The following ANKRD54 variants were observed in gnomAD, a reference collection of about 807,000 sequenced individuals.
ANKRD54 encodes ankyrin repeat domain 54, also known as ankyrin repeat domain-containing protein 54.
In ANKRD54, 26 loss-of-function variants were observed where a neutral mutation model predicts 36.2. The ratio of observed to expected loss-of-function variants is 0.72; its 90% CI spans 0.53 to 1.00. The LOEUF is 1.00. ANKRD54 is among the 50% of genes least tolerant of loss of function. The probability of loss-of-function intolerance (pLI) is 0.00; values close to 1 mark genes in which losing one functional copy is unlikely to be tolerated. For synonymous variants in ANKRD54, 209 were observed against 188.4 expected, an observed-to-expected ratio of 1.11 and a Z score of -0.89; for missense variants, 384 against 424.3, an observed-to-expected ratio of 0.91 and a Z score of 0.83.
In ANKRD54 at chr22:37,833,710, C is replaced by G; in HGVS notation, c.521G>C (p.Gly174Ala). 6.2e-7 allele frequency: 1 copy of G among 1,614,180 alleles called. No homozygotes were observed. Among genetic ancestry groups the G allele is most frequent in the South Asian group, 1.1e-5 (1 of 91,088 alleles). Residue 174 changes from glycine (G) to alanine (A), a missense_variant, in exon 4 of 8, where the codon GGG becomes GCG. Coordinates refer to ENST00000215941, the MANE Select transcript of ANKRD54 (RefSeq NM_138797.4). The stretch of plus-strand genomic sequence containing the variant: ...CAGGTGCAGTGGCGTGTTCCCCAGC[C>G]CATCTCGCTGGTTAGGATCAGCACC... Reference protein sequence around the residue: ...DHGADPNQRDGLGNTPLHLAA... With the variant: ...DHGADPNQRDALGNTPLHLAA...
chr22:37,844,187 T>A lies in ANKRD54; in HGVS notation c.52A>T (p.Ser18Cys). ...ADDEPRSGHS[S>C]SEGECAVAPE... ...GCCACCGCGCACTCGCCCTCCGAGC[T>A]CGAGTGGCCTGAGCGCGGCTCGTCG... The change falls in exon 1 of 8, where the codon AGC (serine) becomes TGC (cysteine). Residue 18 changes from serine (S) to cysteine (C), a missense_variant. Ser to Cys is a moderately radical substitution (Grantham distance 112, BLOSUM62 -1). This residue lies in a region of ANKRD54 where 195 missense variants were observed against 177.7 expected (regional missense o/e 1.10). Coordinates refer to ENST00000215941, the MANE Select transcript of ANKRD54 (RefSeq NM_138797.4). The A allele has an allele frequency of 6.6e-7, 1 of 1,513,976 alleles. No homozygotes were observed. The highest frequency in any genetic ancestry group is 8.8e-7 in the Non-Finnish European group (1 of 1,139,500). The allele number at this position is 1,513,976 out of a possible 1,614,324, so 93.8% of individuals were successfully genotyped here. A position where few individuals can be genotyped will look rare whatever the true frequency, so the allele number is the denominator to read the frequency against.
At chr22:37,847,167 TTTC>T (rs890543168), upstream of ANKRD54, among the ~76,000 whole-genome samples, 102 of 151,028 alleles carry the variant, frequency 6.8e-4, no homozygotes, top group Non-Finnish European at 7.8e-4. Context: ...TCTTTTCTTT[TTTC>T]TTTTTTTTTT....
In ANKRD54 at chr22:37,844,193, G is replaced by C; in HGVS notation, c.46C>G (p.His16Asp). Residue 16 changes from histidine (H) to aspartate (D), a missense_variant, in exon 1 of 8, where the codon CAC (histidine) becomes GAC (aspartate). His to Asp is a moderately conservative substitution (Grantham distance 81). Transcript: ENST00000215941. ...GCGCACTCGCCCTCCGAGCTCGAGTGGCCTGAGCGCGGCTCGTCGTCCGCG... is the reference window on the plus strand; with the variant it reads ...GCGCACTCGCCCTCCGAGCTCGAGTCGCCTGAGCGCGGCTCGTCGTCCGCG... ...GDADDEPRSG[H>D]SSSEGECAVA... 6.6e-7 allele frequency: 1 copy of C among 1,518,958 alleles called. No individual in the cohort carries two copies. Among genetic ancestry groups the C allele is most frequent in the Non-Finnish European group, 8.8e-7 (1 of 1,142,000 alleles). 94.1% of individuals were successfully genotyped at this position (1,518,958 alleles called of 1,614,324 possible). A position where few individuals can be genotyped will look rare whatever the true frequency, so the allele number is the denominator to read the frequency against.
At chr22:37,840,921 A>C (rs1924154634) in intron 1 of ANKRD54, among the ~76,000 whole-genome samples, 2 of 152,028 alleles carry the variant, frequency 1.3e-5, no homozygotes, top group African/African-American at 4.8e-5. Context: ...CCAACAAAAA[A>C]AACCCAGCCA....
chr22:37,843,776 T>A (rs552515249), intron 1 of ANKRD54, 135 bp downstream of exon 1: 5 of 475,208 alleles, frequency 1.1e-5, no homozygotes, highest in Middle Eastern at 6.5e-4. Flanking sequence ...AGGGTCAGTG[T>A]GGCCCTCAGC....
intron 3 of ANKRD54, 56 bp from the exon 4 acceptor site, chr22:37,833,811 G>A: frequency 6.4e-7 from 1 of 1,553,042 alleles, no homozygotes; most frequent in Non-Finnish European, 8.9e-7. Flanking sequence ...CCTGCACCCT[G>A]AACCCCTAAC....
rs1236112006 is a variant in ANKRD54 at position 37,844,141 on chromosome 22, G to C, written c.98C>G (p.Ala33Gly). The change falls in exon 1 of 8, where the codon GCT (alanine) becomes GGT (glycine). Residue 33 changes from alanine (A) to glycine (G), a missense_variant. Ala to Gly is a moderately conservative substitution (Grantham distance 60). This residue lies in a region of ANKRD54 where 195 missense variants were observed against 177.7 expected (regional missense o/e 1.10). Transcript: ENST00000215941. Reference protein sequence around the residue: ...CAVAPEPLTDAEGLFSFADFG... With the variant: ...CAVAPEPLTDGEGLFSFADFG... Reference sequence around the variant, plus strand: ...GTCAGCGAAGGAGAAGAGGCCCTCAGCGTCAGTCAGCGGCTCCGGCGCCAC... The same window carrying C: ...GTCAGCGAAGGAGAAGAGGCCCTCACCGTCAGTCAGCGGCTCCGGCGCCAC... 1 of 1,496,958 alleles carries C rather than the reference G, an allele frequency of 6.7e-7. No individual in the cohort carries two copies. The highest frequency in any genetic ancestry group is 8.8e-7 in the Non-Finnish European group (1 of 1,130,382). 92.7% of individuals were successfully genotyped at this position (1,496,958 alleles called of 1,614,324 possible).
At chr22:37,834,885 ACTGT>A (rs1000781131) in intron 3 of ANKRD54, among the ~76,000 whole-genome samples, 1 of 150,986 alleles carries the variant, frequency 6.6e-6, no homozygotes, top group Non-Finnish European at 1.5e-5. Context: ...ACATGTTGAA[ACTGT>A]CTGTACTAAA....
At position 37,839,013 on chromosome 22, in the gene ANKRD54, T is replaced by C. The variant is rs187817609; in HGVS notation, c.377-415A>G. On this transcript the variant is annotated intron_variant, in intron 2 of 7. Coordinates refer to ENST00000215941, the MANE Select transcript of ANKRD54 (RefSeq NM_138797.4). ...CAGCAGGCAGCAATCCCCCAGCTAC[T>C]TGGGGCCTCCCAAGTAGCCCCCAGC... is the stretch of plus-strand genomic sequence containing the variant. Among the ~76,000 whole-genome samples the C allele has an allele frequency of 2.3e-3, 354 of 152,216 alleles. 3 individuals carry two copies. Among genetic ancestry groups the C allele is most frequent in the Middle Eastern group, 3.4e-3 (1 of 294 alleles).
chr22:37,838,093 C>A (rs1923767293), intron 3 of ANKRD54, among the ~76,000 whole-genome samples: 1 of 151,920 alleles, frequency 6.6e-6, no homozygotes, highest in Non-Finnish European at 1.5e-5. Flanking sequence ...CGAGATGGCA[C>A]CACTGCACTC....
intron 1 of ANKRD54, among the ~76,000 whole-genome samples, chr22:37,841,548 ACACAC>A (rs1569101755): frequency 3.4e-4 from 50 of 148,336 alleles, no homozygotes; most frequent in African/African-American, 1.2e-3. Flanking sequence ...ACACACACAC[ACACAC>A]ACACAAAAAA....
chr22:37,838,618 G>A lies in ANKRD54; in HGVS notation c.377-20C>T. ...GCTGCACTGACACCACCAAGACAGA[G>A]GGAGGAAGGGGGAGAAAGCGGCGAT... is the stretch of plus-strand genomic sequence containing the variant. On this transcript the variant is annotated intron_variant, in intron 2 of 7. Transcript: ENST00000215941. 6.3e-7 allele frequency: 1 copy of A among 1,597,616 alleles called. No homozygotes were observed. Among genetic ancestry groups the A allele is most frequent in the East Asian group, 2.3e-5 (1 of 44,068 alleles).
At chr22:37,842,975 T>C (rs1427400867) in intron 1 of ANKRD54, among the ~76,000 whole-genome samples, 1 of 152,226 alleles carries the variant, frequency 6.6e-6, no homozygotes, top group Non-Finnish European at 1.5e-5. Context: ...GAGCCTCAGT[T>C]TCCTCTTCAG....
chr22:37,842,131 T>A (rs890158021), intron 1 of ANKRD54, among the ~76,000 whole-genome samples: 6 of 130,880 alleles, frequency 4.6e-5, no homozygotes, highest in Middle Eastern at 4.7e-3. Context: ...CTACTAAAAA[T>A]ACAAAAACTA....
rs373023953 is a variant in ANKRD54 at position 37,832,610 on chromosome 22, G to C, written c.828+27C>G. 6.2e-6 allele frequency: 10 copies of C among 1,608,700 alleles called. 1 individual carries two copies. In the Admixed American group the frequency reaches 1.7e-4, roughly 27 times the overall value. ...GGCCCTGAGGCTCCTGCCAGGCCCT[G>C]GGTCTGGGCCTGTGGCTGCAGCTCA... On this transcript the variant is annotated intron_variant, in intron 7 of 7. Coordinates refer to ENST00000215941, the MANE Select transcript of ANKRD54 (RefSeq NM_138797.4).
upstream of ANKRD54, among the ~76,000 whole-genome samples, chr22:37,846,246 C>T (rs1185990846): frequency 1.3e-5 from 2 of 152,124 alleles, no homozygotes; most frequent in Non-Finnish European, 2.9e-5. Flanking sequence ...TGTTTGCAGT[C>T]GCCATTGTGA....
chr22:37,831,689 C>T lies in ANKRD54; in HGVS notation c.*254G>A. ...CGGAGCTGAAGTGCAGCTGCAGAGG[C>T]TGGTCTGGTGCTGCGAGAACTGGAA... On this transcript the variant is annotated 3_prime_UTR_variant, in exon 8 of 8. Transcript: ENST00000215941. 3.7e-6 allele frequency: 2 copies of T among 545,366 alleles called. No individual in the cohort carries two copies. The highest frequency in any genetic ancestry group is 4.6e-5 in the South Asian group (2 of 43,830). The allele number at this position is 545,366 out of a possible 1,614,324, so 33.8% of individuals were successfully genotyped here.
chr22:37,847,111 C>T (rs1165186754), upstream of ANKRD54, among the ~76,000 whole-genome samples: 1 of 151,598 alleles, frequency 6.6e-6, no homozygotes, highest in Non-Finnish European at 1.5e-5. Flanking sequence ...CCTCGGCCTC[C>T]CAAAGTGCTG....
intron 3 of ANKRD54, among the ~76,000 whole-genome samples, chr22:37,836,611 C>G (rs1923581910): frequency 6.6e-6 from 1 of 151,694 alleles, no homozygotes; most frequent in East Asian, 1.9e-4. Flanking sequence ...GGACAAATAC[C>G]TAATGCATGA....
Sources: allele counts gnomAD v4.1 joint callset (sites outside exome capture counted in the v4.1 genomes callset), GRCh38; gene constraint gnomAD v4.1.1; regional missense constraint gnomAD v4.1.1; transcripts MANE v1.5; gene names NCBI Gene and HGNC (gene_info 2026-07-23, HGNC 2026-07-21).